The following PAX5 variants were observed in gnomAD, a reference collection of about 807,000 sequenced individuals.
PAX5 encodes paired box 5.
PAX5 carries 9 observed loss-of-function variants against 43.7 expected under a neutral mutation model. That is an observed-to-expected ratio of 0.21 (90% CI 0.12 to 0.36). The LOEUF is 0.36. PAX5 is among the 10% of genes least tolerant of loss of function. The pLI is 1.00. For missense variants in PAX5, 383 were observed against 532.7 expected, an observed-to-expected ratio of 0.72 and a Z score of 2.77; for synonymous variants, 228 against 214.3, an observed-to-expected ratio of 1.06 and a Z score of -0.56.
intron 5 of PAX5, among the ~76,000 whole-genome samples, chr9:36,987,742 C>T (rs1799147124): frequency 6.6e-6 from 1 of 152,210 alleles, no homozygotes; most frequent in South Asian, 2.1e-4. Context: ...AAAGGGGCTC[C>T]CACGAAGGAA....
intron 5 of PAX5, among the ~76,000 whole-genome samples, chr9:36,997,859 C>T (rs764899450): frequency 6.6e-6 from 1 of 152,230 alleles, no homozygotes; most frequent in South Asian, 2.1e-4. Flanking sequence ...GTGGCAGCCT[C>T]AGGGTCAGGC....
At position 37,014,986 on chromosome 9, in the gene PAX5, G is replaced by A. The variant is rs369163729; in HGVS notation, c.410+11C>T. The A allele has an allele frequency of 5.6e-6, 9 of 1,611,256 alleles. No individual in the cohort carries two copies. The highest frequency in any genetic ancestry group is 1.7e-5 in the Admixed American group (1 of 59,996). On this transcript the variant is annotated intron_variant, in intron 3 of 9. Coordinates refer to ENST00000358127, the MANE Select transcript of PAX5 (RefSeq NM_016734.3). ...CCAAATCCCCAACCCCCACAGGCACGAGCCCCTCACCTGTTGATGGAACTG... is the reference window on the plus strand; with the variant it reads ...CCAAATCCCCAACCCCCACAGGCACAAGCCCCTCACCTGTTGATGGAACTG...
intron 8 of PAX5, among the ~76,000 whole-genome samples, chr9:36,853,574 G>A (rs746135576): frequency 5.9e-5 from 9 of 152,366 alleles, no homozygotes; most frequent in East Asian, 1.9e-4. Flanking sequence ...CTAGAGGAAT[G>A]TATGCTGTTT....
At chr9:37,000,717 G>T (rs926635851) in intron 5 of PAX5, among the ~76,000 whole-genome samples, 5 of 152,178 alleles carry the variant, frequency 3.3e-5, no homozygotes, top group African/African-American at 1.2e-4. Context: ...CAGAGATAGG[G>T]CACTCATTAC....
intron 6 of PAX5, among the ~76,000 whole-genome samples, chr9:36,931,556 AC>A (rs1486790744): frequency 6.6e-6 from 1 of 152,166 alleles, no homozygotes; most frequent in African/African-American, 2.4e-5. Context: ...ATAACAAAAA[AC>A]AAAAAACATG....
intron 6 of PAX5, among the ~76,000 whole-genome samples, chr9:36,963,225 C>T (rs2039142): frequency 0.064 from 9,731 of 152,266 alleles, 500 homozygotes; most frequent in Non-Finnish European, 0.081. Context: ...CTGCAGTCGC[C>T]GTCTCAGAGC....
intron 9 of PAX5, among the ~76,000 whole-genome samples, chr9:36,845,217 A>T (rs1822447653): frequency 1.3e-5 from 2 of 152,084 alleles, no homozygotes; most frequent in African/African-American, 4.8e-5. Context: ...TCCCAGCAGG[A>T]CTGGGATCAG....
rs1385943435 is a variant in PAX5 at position 37,002,662 on chromosome 9, C to T, written c.590G>A (p.Arg197His). ...ITSPSADTNKRKRDEGIQESP... is the reference protein window; with the variant it reads ...ITSPSADTNKHKRDEGIQESP... ...GCCTCTCTTACCTTCGTCTCTCTTG[C>T]GCTTGTTGGTGTCGGCGCTGGGGGA... Residue 197 changes from arginine (R) to histidine (H), a missense_variant, in exon 5 of 10, where the codon CGC becomes CAC. Around this residue, in one of 5 missense-constraint regions of PAX5, gnomAD observed 291 missense variants for 342.5 expected, o/e 0.85. Transcript: ENST00000358127. 3 of 1,611,974 alleles carry T rather than the reference C, an allele frequency of 1.9e-6. No homozygotes were observed. Among genetic ancestry groups the T allele is most frequent in the South Asian group, 2.2e-5 (2 of 90,682 alleles).
At chr9:36,952,463 A>T (rs1564003996) in intron 6 of PAX5, among the ~76,000 whole-genome samples, 1 of 152,028 alleles carries the variant, frequency 6.6e-6, no homozygotes, top group Non-Finnish European at 1.5e-5. Flanking sequence ...TGTTTAGACC[A>T]TTCACATTCA....
At chr9:36,881,899 G>A (rs548040722) in intron 8 of PAX5, 105 bp downstream of exon 8, 9 of 846,094 alleles carry the variant, frequency 1.1e-5, no homozygotes, top group East Asian at 1.1e-4. Flanking sequence ...ATTCAGGTCC[G>A]CTTCTCAGAA....
chr9:37,009,873 G>A (rs769351364), intron 3 of PAX5, among the ~76,000 whole-genome samples: 1 of 152,072 alleles, frequency 6.6e-6, no homozygotes, highest in Non-Finnish European at 1.5e-5. Flanking sequence ...TGGCCCCCTT[G>A]GAAGCTGGGG....
intron 7 of PAX5, among the ~76,000 whole-genome samples, chr9:36,914,304 G>A (rs1323049932): frequency 1.3e-5 from 2 of 152,156 alleles, no homozygotes; most frequent in East Asian, 1.9e-4. Context: ...TGCAACTACC[G>A]TGTAAATGGA....
intron 7 of PAX5, among the ~76,000 whole-genome samples, chr9:36,898,363 A>G (rs1828054040): frequency 6.6e-6 from 1 of 152,132 alleles, no homozygotes; most frequent in Admixed American, 6.5e-5. Context: ...CTATCTTCAC[A>G]GGGTTGTCTG....
At chr9:36,973,125 G>A (rs12552432) in intron 5 of PAX5, among the ~76,000 whole-genome samples, 2 of 84,482 alleles carry the variant, frequency 2.4e-5, no homozygotes, top group African/African-American at 6.0e-5. Flanking sequence ...GAAAGGAAAG[G>A]AAAGGAAAGA....
chr9:36,950,589 T>C (rs1192256351), intron 6 of PAX5, among the ~76,000 whole-genome samples: 1 of 152,180 alleles, frequency 6.6e-6, no homozygotes, highest in Non-Finnish European at 1.5e-5. Flanking sequence ...GAAGGTTTCC[T>C]TCAACTAAGA....
At chr9:36,881,626 G>C (rs12553613) in intron 8 of PAX5, among the ~76,000 whole-genome samples, 2 of 151,452 alleles carry the variant, frequency 1.3e-5, no homozygotes, top group African/African-American at 4.9e-5. Flanking sequence ...CTGCTTGTTC[G>C]TGTCACACGA....
intron 6 of PAX5, among the ~76,000 whole-genome samples, chr9:36,947,870 C>G (rs977815802): frequency 1.3e-5 from 2 of 151,982 alleles, no homozygotes; most frequent in African/African-American, 4.8e-5. Flanking sequence ...CCTCTTTCCA[C>G]TTCCCTACCT....
At chr9:36,957,872 G>C (rs1004790357) in intron 6 of PAX5, among the ~76,000 whole-genome samples, 15 of 152,214 alleles carry the variant, frequency 9.9e-5, no homozygotes, top group African/African-American at 3.4e-4. Context: ...TTCTCATCAA[G>C]AGTTGAGCTG....
chr9:36,878,435 AG>A lies in PAX5; in HGVS notation c.1012+3568del, dbSNP rs567056637. 9.9e-5 allele frequency among the ~76,000 whole-genome samples: 15 copies of A among 152,154 alleles called. No homozygotes were observed. The East Asian group carries it at 1.9e-3, about 20-fold the overall frequency. ...GCCAGGCACAAGCATCTTCCCCCAG[AG>A]GGGGGGCCATCTGGGAAGGCTTTTC... On this transcript the variant is annotated intron_variant, in intron 8 of 9. Transcript: ENST00000358127.
Sources: allele counts gnomAD v4.1 joint callset (sites outside exome capture counted in the v4.1 genomes callset), GRCh38; gene constraint gnomAD v4.1.1; regional missense constraint gnomAD v4.1.1; transcripts MANE v1.5; gene names NCBI Gene and HGNC (gene_info 2026-07-23, HGNC 2026-07-21).